Variants in CNTN3 observed in about 807,000 individuals in gnomAD.
CNTN3 encodes contactin 3, also known as contactin-3.
Under a neutral mutation model 119.1 loss-of-function variants are expected in CNTN3, and 60 were observed. That is an observed-to-expected ratio of 0.50 (90% CI 0.41 to 0.62). The LOEUF (loss-of-function observed/expected upper bound fraction) is 0.62, where lower values mean the gene tolerates loss of function less well. Among genes scored for constraint, CNTN3 ranks in the 20% least tolerant of loss-of-function variants. The probability of loss-of-function intolerance (pLI) is 0.00; values close to 1 mark genes in which losing one functional copy is unlikely to be tolerated. For synonymous variants in CNTN3, 450 were observed against 438.7 expected (o/e 1.03, Z -0.32); for missense variants, 1,101 against 1,242.4 (o/e 0.89, Z 1.71).
intron 5 of CNTN3, among the ~76,000 whole-genome samples, chr3:74,373,367 A>G (rs953218939): frequency 6.6e-6 from 1 of 152,202 alleles, no homozygotes; most frequent in Non-Finnish European, 1.5e-5. Flanking sequence ...AGGGAAAGCA[A>G]TCTTTCTCTG....
At chr3:74,451,647 T>G (rs1319466378) in intron 4 of CNTN3, among the ~76,000 whole-genome samples, 7 of 152,036 alleles carry the variant, frequency 4.6e-5, no homozygotes, top group African/African-American at 7.2e-5. Context: ...TATGGTTTTA[T>G]GTCTAACGTT....
chr3:74,280,774 C>A (rs1224454249), intron 20 of CNTN3, among the ~76,000 whole-genome samples: 2 of 152,180 alleles, frequency 1.3e-5, no homozygotes, highest in African/African-American at 4.8e-5. Context: ...GGCTGACACT[C>A]CGGCTAAGGC....
At chr3:74,499,594 A>T in intron 3 of CNTN3, 65 bp downstream of exon 3, 2 of 1,485,354 alleles carry the variant, frequency 1.3e-6, no homozygotes, top group South Asian at 2.8e-5. Flanking sequence ...GCAAAAAAAA[A>T]TTCACAATCA....
At chr3:74,546,763 T>A (rs961088535) in intron 1 of CNTN3, among the ~76,000 whole-genome samples, 1 of 152,152 alleles carries the variant, frequency 6.6e-6, no homozygotes, top group African/African-American at 2.4e-5. Flanking sequence ...AACAGCCTAT[T>A]GTGGGACTTC....
Position 74,596,349 on chromosome 3 carries a change from G to A in CNTN3, c.-81+18042C>T, listed in dbSNP as rs143392768. 3.2e-3 allele frequency among the ~76,000 whole-genome samples: 480 copies of A among 152,048 alleles called. 2 individuals carry two copies. Among genetic ancestry groups the A allele is most frequent in the Admixed American group, 1.0e-2 (152 of 15,242 alleles). On this transcript the variant is annotated intron_variant, in intron 1 of 22. Coordinates refer to ENST00000263665, the MANE Select transcript of CNTN3 (RefSeq NM_020872.3). ...TGGAAAAAACTACTTTAACGTTCATGTGGAACCAAAAAAGAGCCCACATCA... is the reference window on the plus strand; with the variant it reads ...TGGAAAAAACTACTTTAACGTTCATATGGAACCAAAAAAGAGCCCACATCA...
At chr3:74,453,723 T>TAAAC (rs1250226936) in intron 4 of CNTN3, among the ~76,000 whole-genome samples, 24 of 151,268 alleles carry the variant, frequency 1.6e-4, no homozygotes, top group Non-Finnish European at 2.7e-4. Flanking sequence ...GTGTCTTTGT[T>TAAAC]CTCGTTGGTT....
rs564487543 is a variant in CNTN3 at position 74,417,688 on chromosome 3, C to T, written c.454+7157G>A. On this transcript the variant is annotated intron_variant, in intron 5 of 22. Transcript: ENST00000263665. ...TCTCCATTTCCAACTACAAAATGGT[C>T]TATAGAGTACAACAAATGTTTCCTT... Among the ~76,000 whole-genome samples, 5 of 152,238 alleles carry T rather than the reference C, an allele frequency of 3.3e-5. No individual in the cohort carries two copies. In the East Asian group the frequency reaches 7.7e-4, roughly 24 times the overall value.
At chr3:74,587,150 A>G (rs1704606935) in intron 1 of CNTN3, among the ~76,000 whole-genome samples, 1 of 152,054 alleles carries the variant, frequency 6.6e-6, no homozygotes, top group Admixed American at 6.6e-5. Context: ...TAAAAGCATA[A>G]GAGTAATGTA....
At chr3:74,482,383 G>A (rs1463068023) in intron 4 of CNTN3, among the ~76,000 whole-genome samples, 2 of 151,774 alleles carry the variant, frequency 1.3e-5, no homozygotes, top group South Asian at 2.1e-4. Flanking sequence ...ACTAAGAAGG[G>A]AATTTAAAAT....
chr3:74,558,313 T>C (rs58285492), intron 1 of CNTN3, among the ~76,000 whole-genome samples: 10,785 of 152,170 alleles, frequency 0.071, 410 homozygotes, highest in Admixed American at 0.095. Flanking sequence ...GAGGACACTC[T>C]CAAACAAACT....
At chr3:74,301,276 G>A (rs1702447214) in intron 16 of CNTN3, 122 bp downstream of exon 16, 2 of 1,010,208 alleles carry the variant, frequency 2.0e-6, no homozygotes, top group Admixed American at 4.5e-5. Flanking sequence ...CATTAGAAAG[G>A]TTAGATAACT....
At chr3:74,280,878 A>G (rs1263005439) in intron 20 of CNTN3, among the ~76,000 whole-genome samples, 1 of 152,156 alleles carries the variant, frequency 6.6e-6, no homozygotes, top group Non-Finnish European at 1.5e-5. Flanking sequence ...CAAGGATAAA[A>G]CAGGGAAGGA....
At chr3:74,451,137 C>A (rs13092415) in intron 4 of CNTN3, among the ~76,000 whole-genome samples, 25,640 of 151,708 alleles carry the variant, frequency 0.17, 2,689 homozygotes, top group East Asian at 0.45. Flanking sequence ...CCAACAGTGT[C>A]AAAGTGTTCC....
chr3:74,304,739 G>A (rs1702525748), intron 13 of CNTN3, among the ~76,000 whole-genome samples: 2 of 152,176 alleles, frequency 1.3e-5, no homozygotes, highest in South Asian at 2.1e-4. Context: ...CTAAAGAAAT[G>A]TAGTCAGGGG....
At chr3:74,530,139 C>T (rs116633828) in intron 1 of CNTN3, among the ~76,000 whole-genome samples, 1,735 of 152,024 alleles carry the variant, frequency 0.011, 38 homozygotes, top group African/African-American at 0.04. Context: ...TTCATGTCTT[C>T]AAGGCACTGA....
intron 20 of CNTN3, among the ~76,000 whole-genome samples, chr3:74,269,048 G>GAAAAAAAAAAAAAAAA (rs5850167): frequency 1.7e-5 from 2 of 117,136 alleles, no homozygotes; most frequent in Admixed American, 8.8e-5. Context: ...ATGACAAAAA[G>GAAAAAAAAAAAAAAAA]AAAAAAAAAA....
chr3:74,581,593 T>A (rs139583031), intron 1 of CNTN3, among the ~76,000 whole-genome samples: 1 of 152,186 alleles, frequency 6.6e-6, no homozygotes, highest in East Asian at 1.9e-4. Flanking sequence ...GAACTCCCAA[T>A]AGGTCCTTTG....
At chr3:74,303,900 C>T (rs754451615) in intron 13 of CNTN3, among the ~76,000 whole-genome samples, 3 of 152,088 alleles carry the variant, frequency 2.0e-5, no homozygotes, top group Non-Finnish European at 4.4e-5. Context: ...TGTAATAAGT[C>T]ATATGATTTC....
At chr3:74,301,131 C>A (rs1457873634) in intron 16 of CNTN3, among the ~76,000 whole-genome samples, 1 of 152,154 alleles carries the variant, frequency 6.6e-6, no homozygotes, top group Non-Finnish European at 1.5e-5. Context: ...GTAATTATAA[C>A]CTTAAGTGAC....
Sources: gnomAD v4.1 joint callset for allele counts (sites outside exome capture counted in the v4.1 genomes callset) on GRCh38, gnomAD v4.1.1 for gene constraint, MANE v1.5 for transcripts, NCBI Gene and HGNC (gene_info 2026-07-23, HGNC 2026-07-21) for gene names.